The following CLVS1 variants were observed in gnomAD, a reference collection of about 807,000 sequenced individuals.
CLVS1 encodes the protein clavesin-1.
Under a neutral mutation model 33.1 loss-of-function variants are expected in CLVS1, and 10 were observed. The ratio of observed to expected loss-of-function variants is 0.30; its 90% CI spans 0.19 to 0.51. CLVS1 has a LOEUF of 0.51. Ranked by LOEUF, CLVS1 falls within the 20% of genes least tolerant of loss-of-function variation. The pLI is 0.97. For missense variants in CLVS1, 343 were observed against 433.4 expected (o/e 0.79, Z 1.85); for synonymous variants, 163 against 166.1 (o/e 0.98, Z 0.14).
intron 2 of CLVS1, among the ~76,000 whole-genome samples, chr8:61,311,251 C>T (rs962203111): frequency 2.0e-5 from 3 of 152,202 alleles, no homozygotes; most frequent in African/African-American, 7.2e-5. Context: ...CCTCGACCCA[C>T]TGCATGTGTG....
At chr8:61,362,534 T>A (rs189027520) in intron 2 of CLVS1, among the ~76,000 whole-genome samples, 321 of 152,326 alleles carry the variant, frequency 2.1e-3, no homozygotes, top group South Asian at 0.019. Flanking sequence ...GGTATATTAT[T>A]CTGGGGGTTA....
At chr8:61,250,479 A>G (rs1386329862) in intron 2 of CLVS1, among the ~76,000 whole-genome samples, 1 of 152,140 alleles carries the variant, frequency 6.6e-6, no homozygotes, top group Non-Finnish European at 1.5e-5. Flanking sequence ...CTTGATGGGG[A>G]TAGCATTGAA....
chr8:61,496,958 T>C (rs1169107821), intron 5 of CLVS1, among the ~76,000 whole-genome samples: 4 of 152,142 alleles, frequency 2.6e-5, no homozygotes, highest in African/African-American at 9.7e-5. Context: ...GTTTTTTAGA[T>C]GGAAAAAACT....
the CLVS1 span, among the ~76,000 whole-genome samples, chr8:61,049,855 G>A: frequency 8.7e-4 from 133 of 152,342 alleles, no homozygotes; most frequent in African/African-American, 3.0e-3. Flanking sequence ...GCATAGAAGC[G>A]GCGCTGAAAC....
chr8:61,118,226 TATC>T (rs1476325421), intron 1 of CLVS1, among the ~76,000 whole-genome samples: 3 of 151,636 alleles, frequency 2.0e-5, no homozygotes, highest in Admixed American at 6.6e-5. Flanking sequence ...ATATCCCCTT[TATC>T]ATTTTTTATT....
At chr8:61,048,738 A>G in the CLVS1 span, among the ~76,000 whole-genome samples, 6 of 151,810 alleles carry the variant, frequency 4.0e-5, no homozygotes, top group East Asian at 1.9e-4. Context: ...AGCTCCCCCA[A>G]CCTCCCACCA....
chr8:61,351,355 C>A (rs1812454355), intron 2 of CLVS1, among the ~76,000 whole-genome samples: 1 of 151,898 alleles, frequency 6.6e-6, no homozygotes, highest in Non-Finnish European at 1.5e-5. Context: ...GATAAAGCCA[C>A]TAGGTTTAAG....
At chr8:61,452,796 C>G (rs1415404211) in intron 3 of CLVS1, among the ~76,000 whole-genome samples, 2 of 152,274 alleles carry the variant, frequency 1.3e-5, no homozygotes, top group African/African-American at 4.8e-5. Context: ...ATATTTAGCA[C>G]CTTTCTACTC....
upstream of CLVS1, chr8:61,287,962 G>A (rs1405925920): frequency 2.6e-6 from 1 of 385,144 alleles, no homozygotes; most frequent in Non-Finnish European, 5.2e-6. Context: ...AGAGAATCGG[G>A]CGCACACGCC....
At chr8:61,074,009 CAAA>C (rs35959369) in intron 1 of CLVS1, among the ~76,000 whole-genome samples, 206 of 70,368 alleles carry the variant, frequency 2.9e-3, no homozygotes, top group Middle Eastern at 8.2e-3. Context: ...GACTCCGTCT[CAAA>C]AAAAAAAAAA....
intron 1 of CLVS1, among the ~76,000 whole-genome samples, chr8:61,299,447 C>T (rs577155061): frequency 3.9e-5 from 6 of 152,266 alleles, no homozygotes; most frequent in East Asian, 3.9e-4. Flanking sequence ...GGAACTGAAA[C>T]GTTCCCAAAC....
intron 2 of CLVS1, chr8:61,370,717 C>T (rs1180312805): frequency 6.6e-6 from 1 of 152,164 alleles, no homozygotes; most frequent in Non-Finnish European, 1.5e-5. Flanking sequence ...TTTGCATCCT[C>T]ATAGCTTAGC....
At chr8:61,285,397 T>A (rs1809756271), upstream of CLVS1, among the ~76,000 whole-genome samples, 1 of 152,176 alleles carries the variant, frequency 6.6e-6, no homozygotes, top group Admixed American at 6.5e-5. Flanking sequence ...TTCCTTTCCT[T>A]CACTTACCCT....
the CLVS1 span, among the ~76,000 whole-genome samples, chr8:61,036,067 A>G: frequency 6.6e-6 from 1 of 152,094 alleles, no homozygotes; most frequent in Non-Finnish European, 1.5e-5. Flanking sequence ...AATCTACACC[A>G]CACTTACATT....
chr8:60,996,026 G>A, the CLVS1 span, among the ~76,000 whole-genome samples: 5 of 152,286 alleles, frequency 3.3e-5, no homozygotes, highest in East Asian at 5.8e-4. Context: ...GTGGGGGTAG[G>A]GGGGAGGGAT....
At chr8:61,396,651 CA>C (rs1814539457) in intron 3 of CLVS1, among the ~76,000 whole-genome samples, 1 of 152,120 alleles carries the variant, frequency 6.6e-6, no homozygotes, top group Non-Finnish European at 1.5e-5. Flanking sequence ...TCATTACCCC[CA>C]AAAACACTTC....
chr8:61,228,070 G>C (rs903363496), intron 2 of CLVS1, among the ~76,000 whole-genome samples: 3 of 152,136 alleles, frequency 2.0e-5, no homozygotes, highest in African/African-American at 7.2e-5. Flanking sequence ...AAAGAGAAGT[G>C]ACTTTTTCTG....
chr8:61,308,055 C>T (rs368350372), intron 2 of CLVS1, among the ~76,000 whole-genome samples: 4 of 152,204 alleles, frequency 2.6e-5, no homozygotes, highest in East Asian at 1.9e-4. Context: ...TCAGACCAAT[C>T]AGATTTCTCA....
At chr8:61,167,119 G>C (rs1806885263) in intron 2 of CLVS1, among the ~76,000 whole-genome samples, 5 of 151,226 alleles carry the variant, frequency 3.3e-5, no homozygotes, top group Admixed American at 3.3e-4. Flanking sequence ...TGGTTCCCCT[G>C]AGTCTTGTTC....
Sources: allele counts gnomAD v4.1 joint callset (sites outside exome capture counted in the v4.1 genomes callset), GRCh38; gene constraint gnomAD v4.1.1; transcripts MANE v1.5; gene names NCBI Gene and HGNC (gene_info 2026-07-23, HGNC 2026-07-21).